The following APOB variants were observed in gnomAD, a reference collection of about 807,000 sequenced individuals.
The protein encoded by APOB is apolipoprotein B, also known as apolipoprotein B-100.
A neutral mutation model predicts 314.1 loss-of-function variants in APOB; 153 were observed. The ratio of observed to expected loss-of-function variants is 0.49; its 90% CI spans 0.43 to 0.56. The LOEUF (loss-of-function observed/expected upper bound fraction) is 0.56. Among genes scored for constraint, APOB ranks in the 20% least tolerant of loss-of-function variants. The pLI is 0.00. For synonymous variants in APOB, 2,087 were observed against 2,036.4 expected, an observed-to-expected ratio of 1.02 and a Z score of -0.67; for missense variants, 5,430 against 5,350.7, an observed-to-expected ratio of 1.01 and a Z score of -0.46.
At chr2:21,013,135 C>T (rs376272566) in intron 25 of APOB, 25 bp downstream of exon 25, 2 of 1,612,780 alleles carry the variant, frequency 1.2e-6, no homozygotes, top group East Asian at 2.2e-5. Context: ...TAGCCCGGTG[C>T]ACCCTTTACC....
chr2:21,037,002 G>A (rs1174813686), intron 6 of APOB, 98 bp downstream of exon 6: 12 of 1,481,924 alleles, frequency 8.1e-6, no homozygotes, highest in Admixed American at 3.7e-5. Flanking sequence ...AGCCAGGGCA[G>A]GCTGTCCTCA....
At position 21,023,971 on chromosome 2, in the gene APOB, T is replaced by G. The variant is rs530557211; in HGVS notation, c.2437-279A>C. The G allele has an allele frequency of 1.4e-5, 4 of 290,540 alleles. No homozygotes were observed. In the South Asian group the frequency reaches 3.3e-4, roughly 24 times the overall value. The allele number at this position is 290,540 out of a possible 1,614,324, so 18.0% of individuals were successfully genotyped here. ...AATATTGCTGGGCCTCAGAGCTTTATGGACTTTAAGTATCATATATGCCAT... is the reference window on the plus strand; with the variant it reads ...AATATTGCTGGGCCTCAGAGCTTTAGGGACTTTAAGTATCATATATGCCAT... On this transcript the variant is annotated intron_variant, in intron 16 of 28. Coordinates refer to ENST00000233242, the MANE Select transcript of APOB (RefSeq NM_000384.3).
Position 21,037,080 on chromosome 2 carries a change from A to T in APOB, c.693+20T>A. 1 of 1,614,132 alleles carries T rather than the reference A, an allele frequency of 6.2e-7. No individual in the cohort carries two copies. Among genetic ancestry groups the T allele is most frequent in the Middle Eastern group, 1.7e-4 (1 of 6,012 alleles). The stretch of plus-strand genomic sequence containing the variant: ...GAGGATGCTCCTTGCTGTGCACGAC[A>T]GTGCTGACATGGGACTTACCATGCC... On this transcript the variant is annotated intron_variant, in intron 6 of 28. Coordinates refer to ENST00000233242, the MANE Select transcript of APOB (RefSeq NM_000384.3).
In APOB at chr2:21,003,316, G is replaced by GT. The variant is rs1310234716; in HGVS notation, c.12105dup (p.Leu4036ThrfsTer7). 3.1e-6 allele frequency: 5 copies of GT among 1,612,492 alleles called. No homozygotes were observed. Among genetic ancestry groups the GT allele is most frequent in the Middle Eastern group, 1.6e-4 (1 of 6,080 alleles). On this transcript the variant is annotated frameshift_variant, in exon 29 of 29. Transcript: ENST00000233242. LOFTEE classifies it low-confidence loss of function (END_TRUNC). ...CTCAACTCAGTTTTGAATATGGTGA[G>GT]TTTTTTATCTGGAGAGGACTAAACA... is the stretch of plus-strand genomic sequence containing the variant.
chr2:21,026,101 A>G (rs1663726146), intron 15 of APOB, among the ~76,000 whole-genome samples: 1 of 152,182 alleles, frequency 6.6e-6, no homozygotes, highest in African/African-American at 2.4e-5. Flanking sequence ...GCCTTATTTC[A>G]TTGTCTTTAA....
chr2:21,029,524 G>C, intron 12 of APOB, 115 bp downstream of exon 12: 1 of 1,188,396 alleles, frequency 8.4e-7, no homozygotes, highest in South Asian at 1.2e-5. Context: ...AGGAAGGAAA[G>C]GAAAGAAACA....
In APOB at chr2:21,006,809, A is replaced by G. The variant is rs1460678453; in HGVS notation, c.10059T>C (p.Asn3353=). The part of the protein sequence containing the change: ...FKSSVITLNT[N]AELFNQSDIV... ...TATCTGACTGGTTAAAAAGTTCAGC[A>G]TTGGTATTCAGTGTGATGACACTTG... The change falls in exon 26 of 29, where the codon AAT becomes AAC. Residue 3353 remains asparagine, a synonymous_variant. Transcript: ENST00000233242. 1.2e-6 allele frequency: 2 copies of G among 1,614,018 alleles called. No individual in the cohort carries two copies. Among genetic ancestry groups the G allele is most frequent in the South Asian group, 1.1e-5 (1 of 91,090 alleles).
intron 12 of APOB, 41 bp from the exon 13 acceptor site, chr2:21,028,579 C>A (rs1663799820): frequency 7.4e-7 from 1 of 1,347,788 alleles, no homozygotes; most frequent in South Asian, 1.2e-5. Context: ...GTCCTGTGGT[C>A]AGAACACAGA....
At chr2:21,019,989 C>T in intron 18 of APOB, 84 bp from the exon 19 acceptor site, 2 of 1,252,254 alleles carry the variant, frequency 1.6e-6, no homozygotes, top group Non-Finnish European at 2.3e-6. Flanking sequence ...CAAATACCCC[C>T]TTATCCTCCT....
intron 8 of APOB, among the ~76,000 whole-genome samples, chr2:21,034,069 G>A (rs1447960499): frequency 1.3e-5 from 2 of 152,226 alleles, no homozygotes; most frequent in Admixed American, 6.5e-5. Flanking sequence ...GGGTCTACCA[G>A]CAGCTTGTGG....
chr2:21,022,268 AATTAAAT>A (rs1264518869), intron 18 of APOB, among the ~76,000 whole-genome samples: 2 of 152,194 alleles, frequency 1.3e-5, no homozygotes, highest in African/African-American at 4.8e-5. Context: ...GTGGCTGGCC[AATTAAAT>A]ATTATTTTTG....
At position 21,009,103 on chromosome 2, in the gene APOB, C is replaced by T; in HGVS notation, c.7765G>A (p.Glu2589Lys). The change falls in exon 26 of 29, where the codon GAA becomes AAA. Residue 2589 changes from glutamate to lysine, a missense_variant. Coordinates refer to ENST00000233242, the MANE Select transcript of APOB (RefSeq NM_000384.3). Reference protein sequence around the residue: ...ALVEQGFTVPEIKTILGTMPA... With the variant: ...ALVEQGFTVPKIKTILGTMPA... ...ATGGTCCCAAGGATGGTCTTGATTTCAGGAACAGTGAACCCTTGCTCTACC... is the reference window on the plus strand; with the variant it reads ...ATGGTCCCAAGGATGGTCTTGATTTTAGGAACAGTGAACCCTTGCTCTACC... The T allele has an allele frequency of 1.2e-6, 2 of 1,614,036 alleles. No homozygotes were observed. Among genetic ancestry groups the T allele is most frequent in the Non-Finnish European group, 1.7e-6 (2 of 1,179,940 alleles).
intron 5 of APOB, among the ~76,000 whole-genome samples, chr2:21,037,732 T>G (rs934260466): frequency 1.3e-5 from 2 of 152,174 alleles, no homozygotes; most frequent in Non-Finnish European, 2.9e-5. Flanking sequence ...CCTCAATGAC[T>G]GTTTTAAAAT....
At position 21,006,059 on chromosome 2, in the gene APOB, A is replaced by C. The variant is rs377111721; in HGVS notation, c.10809T>G (p.His3603Gln). 1.9e-5 allele frequency: 31 copies of C among 1,614,064 alleles called. No individual in the cohort carries two copies. The highest frequency in any genetic ancestry group is 2.5e-5 in the Non-Finnish European group (29 of 1,179,968). Residue 3603 changes from histidine to glutamine, a missense_variant, in exon 26 of 29, where the codon CAT becomes CAG. Transcript: ENST00000233242. The part of the protein sequence containing the change: ...PWQMSALVQV[H>Q]ASQPSSFHDF... ...CATGGAAGGAACTGGGCTGACTTGC[A>C]TGGACCTGAACAAGAGCTGACATTT...
At position 21,018,958 on chromosome 2, in the gene APOB, G is replaced by A. The variant is rs1315525642; in HGVS notation, c.3121+34C>T. On this transcript the variant is annotated intron_variant, in intron 20 of 28. Transcript: ENST00000233242. ...ATGAATTCTGAACCTGAGACTGCGA[G>A]CAGAGATGAGGCAGCTGTGTTTTGA... The A allele has an allele frequency of 2.5e-6, 4 of 1,613,594 alleles. No individual in the cohort carries two copies. In the African/African-American group the frequency reaches 5.3e-5, roughly 22 times the overall value.
intron 15 of APOB, among the ~76,000 whole-genome samples, chr2:21,025,850 A>G (rs760859945): frequency 6.6e-5 from 10 of 152,328 alleles, no homozygotes; most frequent in Non-Finnish European, 8.8e-5. Context: ...ACCAGACCAC[A>G]CTTTGGGTAG....
In APOB at chr2:21,009,298, A is replaced by G. The variant is rs933777198; in HGVS notation, c.7570T>C (p.Tyr2524His). The G allele has an allele frequency of 1.2e-5, 19 of 1,613,976 alleles. No homozygotes were observed. Among genetic ancestry groups the G allele is most frequent in the Non-Finnish European group, 1.6e-5 (19 of 1,179,966 alleles). ...ETLEDTRDRM[Y>H]QMDIQQELQR... ...AGTTCCTGCTGAATGTCCATTTGATACATTCGGTCTCGTGTATCTTCTAGG... is the reference window on the plus strand; with the variant it reads ...AGTTCCTGCTGAATGTCCATTTGATGCATTCGGTCTCGTGTATCTTCTAGG... The change falls in exon 26 of 29, where the codon TAT becomes CAT. Residue 2524 changes from tyrosine (Y) to histidine (H), a missense_variant. Tyr to His is a moderately conservative substitution (Grantham distance 83). Transcript: ENST00000233242.
chr2:21,008,089 C>A lies in APOB; in HGVS notation c.8779G>T (p.Gly2927Trp), dbSNP rs1270024096. The change falls in exon 26 of 29, where the codon GGG becomes TGG. Residue 2927 changes from glycine (G) to tryptophan (W), a missense_variant. This residue lies in a region of APOB where 3,281 missense variants were observed against 3,171.0 expected (regional missense o/e 1.03). Coordinates refer to ENST00000233242, the MANE Select transcript of APOB (RefSeq NM_000384.3). ...GHIAWTSSGKGSWKWACPRFS... is the reference protein window; with the variant it reads ...GHIAWTSSGKWSWKWACPRFS... ...CTGGGGCAGGCCCATTTCCATGACCCTTTTCCAGAAGAAGTCCATGCTATG... is the reference window on the plus strand; with the variant it reads ...CTGGGGCAGGCCCATTTCCATGACCATTTTCCAGAAGAAGTCCATGCTATG... 3 of 1,613,914 alleles carry A rather than the reference C, an allele frequency of 1.9e-6. No individual in the cohort carries two copies. The highest frequency in any genetic ancestry group is 2.7e-5 in the African/African-American group (2 of 74,892).
Position 21,005,256 on chromosome 2 carries a change from A to G in APOB, c.11612T>C (p.Val3871Ala). 1 of 1,614,100 alleles carries G rather than the reference A, an allele frequency of 6.2e-7. No individual in the cohort carries two copies. Among genetic ancestry groups the G allele is most frequent in the Non-Finnish European group, 8.5e-7 (1 of 1,179,958 alleles). ...TIEIPSIKFS[V>A]PAGIVIPSFQ... Reference sequence around the variant, plus strand: ...GGAAGGAATGACAATTCCAGCAGGTACAGAGAACTTAATGGAGGGAATCTC... The same window carrying G: ...GGAAGGAATGACAATTCCAGCAGGTGCAGAGAACTTAATGGAGGGAATCTC... Residue 3871 changes from valine to alanine, a missense_variant, in exon 26 of 29, where the codon GTA (valine) becomes GCA (alanine). Val to Ala is a moderately conservative substitution (Grantham distance 64). Around this residue, in one of 3 missense-constraint regions of APOB, gnomAD observed 3,281 missense variants for 3,171.0 expected, o/e 1.03. Transcript: ENST00000233242.
Sources: gnomAD v4.1 joint callset for allele counts (sites outside exome capture counted in the v4.1 genomes callset) on GRCh38, gnomAD v4.1.1 for gene constraint, gnomAD v4.1.1 regional missense constraint, MANE v1.5 for transcripts, NCBI Gene and HGNC (gene_info 2026-07-23, HGNC 2026-07-21) for gene names.